SLC9A7: variants seen among roughly 807,000 people sequenced by gnomAD.
SLC9A7 encodes solute carrier family 9 member A7, also known as sodium/hydrogen exchanger 7.
Under a neutral mutation model 52.6 loss-of-function variants are expected in SLC9A7, and 19 were observed. The ratio of observed to expected loss-of-function variants is 0.36; its 90% CI spans 0.25 to 0.53. SLC9A7 has a LOEUF of 0.53. Ranked by LOEUF, SLC9A7 falls within the 20% of genes least tolerant of loss-of-function variation. The pLI, the probability that SLC9A7 is intolerant of heterozygous loss-of-function variation, is 0.91. For synonymous variants in SLC9A7, 226 were observed against 252.1 expected (o/e 0.90, Z 0.98); for missense variants, 455 against 597.9 (o/e 0.76, Z 2.49).
At chrX:46,729,776 A>C (rs1380885653) in intron 1 of SLC9A7, among the ~76,000 whole-genome samples, 14 of 111,523 alleles carry the variant, frequency 1.3e-4, no homozygotes, top group Non-Finnish European at 2.4e-4. Flanking sequence ...CCATCAAAAA[A>C]AGAAAAAGAA....
At chrX:46,750,271 AC>A (rs778799519) in intron 1 of SLC9A7, among the ~76,000 whole-genome samples, 1 of 111,324 alleles carries the variant, frequency 9.0e-6, no homozygotes, top group South Asian at 3.8e-4. Flanking sequence ...CAAACATGTG[AC>A]CTTAAACAAA....
intron 1 of SLC9A7, among the ~76,000 whole-genome samples, chrX:46,751,879 T>C (rs1679207866): frequency 8.9e-6 from 1 of 111,970 alleles, no homozygotes; most frequent in African/African-American, 3.2e-5. Context: ...GGTAAACTAA[T>C]GTCAAACAGT....
intron 14 of SLC9A7, among the ~76,000 whole-genome samples, chrX:46,626,292 G>A (rs951095717): frequency 2.7e-5 from 3 of 111,369 alleles, no homozygotes; most frequent in African/African-American, 6.5e-5. Context: ...TTTCTTTTTC[G>A]GACATGGAGT....
chrX:46,727,102 T>C (rs2146969278), intron 1 of SLC9A7, among the ~76,000 whole-genome samples: 1 of 111,823 alleles, frequency 8.9e-6, no homozygotes, highest in Non-Finnish European at 1.9e-5. Context: ...GAATGCCAAT[T>C]CACTTTTTAA....
chrX:46,662,702 T>C (rs1244335166), intron 5 of SLC9A7, 59 bp from the exon 6 acceptor site: 41 of 893,144 alleles, frequency 4.6e-5, no homozygotes, highest in Non-Finnish European at 6.5e-5. Flanking sequence ...AAATCACTGA[T>C]TACAGATTTA....
At chrX:46,725,210 C>T (rs1419978664) in intron 1 of SLC9A7, 1 of 984,214 alleles carries the variant, frequency 1.0e-6, no homozygotes, top group Non-Finnish European at 1.5e-6. Context: ...GAACTCCATC[C>T]TTGTTTTTCG....
At chrX:46,699,312 T>C (rs970990894) in intron 1 of SLC9A7, among the ~76,000 whole-genome samples, 1 of 111,748 alleles carries the variant, frequency 8.9e-6, no homozygotes, top group Non-Finnish European at 1.9e-5. Context: ...CAGGAAGAAC[T>C]TGCCATCGTT....
chrX:46,678,483 C>G (rs1048547575), intron 3 of SLC9A7, among the ~76,000 whole-genome samples: 4 of 105,871 alleles, frequency 3.8e-5, no homozygotes, highest in Non-Finnish European at 1.9e-5. Flanking sequence ...GTGGCCCAGA[C>G]TGGAGTACAG....
chrX:46,694,446 T>C (rs1944422174), intron 1 of SLC9A7, among the ~76,000 whole-genome samples: 1 of 111,513 alleles, frequency 9.0e-6, no homozygotes, highest in Non-Finnish European at 1.9e-5. Context: ...AATAGACATT[T>C]CACCAAAAGA....
chrX:46,703,952 ACT>A (rs1392011815), intron 1 of SLC9A7, among the ~76,000 whole-genome samples: 1 of 112,006 alleles, frequency 8.9e-6, no homozygotes, highest in Non-Finnish European at 1.9e-5. Context: ...ATAGGACTTA[ACT>A]GTCACTGTTG....
At chrX:46,717,001 C>T (rs999455652) in intron 1 of SLC9A7, among the ~76,000 whole-genome samples, 4 of 111,942 alleles carry the variant, frequency 3.6e-5, no homozygotes, top group Non-Finnish European at 5.6e-5. Flanking sequence ...TATGGCAACA[C>T]GCATCCACCA....
chrX:46,695,275 C>G (rs1307588404), intron 1 of SLC9A7, among the ~76,000 whole-genome samples: 1 of 112,629 alleles, frequency 8.9e-6, no homozygotes, highest in Non-Finnish European at 1.9e-5. Flanking sequence ...CGATCCTTTT[C>G]CAGTACTAGT....
At chrX:46,744,471 A>G (rs1459342097) in intron 1 of SLC9A7, among the ~76,000 whole-genome samples, 1 of 112,305 alleles carries the variant, frequency 8.9e-6, no homozygotes, top group Non-Finnish European at 1.9e-5. Context: ...ACCCAAGACA[A>G]TTTGAAGTAA....
intron 1 of SLC9A7, among the ~76,000 whole-genome samples, chrX:46,700,102 C>CAA (rs368524447): frequency 1.1e-5 from 1 of 88,697 alleles, no homozygotes; most frequent in Non-Finnish European, 2.3e-5. Context: ...AACCTTGTCT[C>CAA]AAAAAAAAAA....
intron 7 of SLC9A7, among the ~76,000 whole-genome samples, chrX:46,655,576 G>A (rs1183876375): frequency 8.9e-6 from 1 of 112,204 alleles, no homozygotes; most frequent in African/African-American, 3.2e-5. Context: ...AAGGGGTCAG[G>A]GAGTTCCCTT....
At chrX:46,652,153 T>C (rs1219559666) in intron 8 of SLC9A7, among the ~76,000 whole-genome samples, 2 of 111,720 alleles carry the variant, frequency 1.8e-5, no homozygotes, top group African/African-American at 6.5e-5. Context: ...TATATACATA[T>C]ATATTTTTTG....
intron 1 of SLC9A7, among the ~76,000 whole-genome samples, chrX:46,698,132 C>CGGTCCTGT (rs1470021111): frequency 8.9e-6 from 1 of 112,034 alleles, no homozygotes; most frequent in African/African-American, 3.2e-5. Flanking sequence ...AATTTCGTCC[C>CGGTCCTGT]GGTCCTGTGG....
chrX:46,716,306 G>A (rs954564341), intron 1 of SLC9A7, among the ~76,000 whole-genome samples: 6 of 111,781 alleles, frequency 5.4e-5, no homozygotes, highest in African/African-American at 2.0e-4. Context: ...TTTTGAGCAC[G>A]CAAATAGAAA....
chrX:46,739,415 G>A (rs1921164840), intron 1 of SLC9A7, among the ~76,000 whole-genome samples: 1 of 110,494 alleles, frequency 9.1e-6, no homozygotes, highest in Non-Finnish European at 1.9e-5. Flanking sequence ...TTCTTGCTCT[G>A]CACATGTCAC....
Sources: gnomAD v4.1 joint callset for allele counts (sites outside exome capture counted in the v4.1 genomes callset) on GRCh38, gnomAD v4.1.1 for gene constraint, MANE v1.5 for transcripts, NCBI Gene and HGNC (gene_info 2026-07-23, HGNC 2026-07-21) for gene names.